Variants in VAT1L observed in about 807,000 individuals in gnomAD.
VAT1L encodes vesicle amine transport 1 like.
VAT1L carries 34 observed loss-of-function variants against 44.1 expected under a neutral mutation model. That is an observed-to-expected ratio of 0.77 (90% confidence interval 0.59 to 1.03). The LOEUF (loss-of-function observed/expected upper bound fraction) is 1.03, where lower values mean the gene tolerates loss of function less well. Among genes scored for constraint, VAT1L ranks in the 50% least tolerant of loss-of-function variants. The pLI is 0.00. For synonymous variants in VAT1L, 253 were observed against 202.2 expected (o/e 1.25, Z -2.13); for missense variants, 615 against 538.8 (o/e 1.14, Z -1.40).
intron 1 of VAT1L, among the ~76,000 whole-genome samples, chr16:77,797,676 C>T (rs1364806968): frequency 6.6e-6 from 1 of 152,186 alleles, no homozygotes; most frequent in African/African-American, 2.4e-5. Context: ...ACATCACTGA[C>T]ACTCAACACT....
chr16:77,900,119 C>T (rs923442795), intron 7 of VAT1L, among the ~76,000 whole-genome samples: 1 of 152,104 alleles, frequency 6.6e-6, no homozygotes, highest in Non-Finnish European at 1.5e-5. Flanking sequence ...ATAGTAAAAC[C>T]ACAGAGATAG....
At chr16:77,886,155 G>C (rs972580686) in intron 7 of VAT1L, among the ~76,000 whole-genome samples, 2 of 152,130 alleles carry the variant, frequency 1.3e-5, no homozygotes, top group Non-Finnish European at 2.9e-5. Flanking sequence ...ATTCAATTTA[G>C]TGCTAAATCG....
chr16:77,877,249 G>A (rs1372889179), intron 5 of VAT1L, among the ~76,000 whole-genome samples: 2 of 152,022 alleles, frequency 1.3e-5, no homozygotes, highest in Admixed American at 6.6e-5. Context: ...AGTGGCTCAC[G>A]CCTGTAATCC....
At chr16:77,875,355 A>G (rs1283773243) in intron 4 of VAT1L, among the ~76,000 whole-genome samples, 6 of 152,224 alleles carry the variant, frequency 3.9e-5, no homozygotes, top group Non-Finnish European at 7.3e-5. Flanking sequence ...CAATGCCTAA[A>G]TTTTGCTAGG....
intron 7 of VAT1L, among the ~76,000 whole-genome samples, chr16:77,963,158 T>C (rs924573679): frequency 6.6e-6 from 1 of 152,142 alleles, no homozygotes; most frequent in African/African-American, 2.4e-5. Flanking sequence ...CCGAGCAGAA[T>C]AATACCACGC....
chr16:77,927,494 C>G (rs1464143657), intron 7 of VAT1L, among the ~76,000 whole-genome samples: 1 of 152,138 alleles, frequency 6.6e-6, no homozygotes, highest in Non-Finnish European at 1.5e-5. Context: ...CACTCTTTAG[C>G]CACTAGCTTT....
intron 3 of VAT1L, among the ~76,000 whole-genome samples, chr16:77,844,634 C>T (rs61709866): frequency 0.057 from 8,709 of 151,804 alleles, 325 homozygotes; most frequent in South Asian, 0.21. Context: ...GTCTCAAACT[C>T]CTGACCTCAG....
chr16:77,806,647 C>G (rs1468525942), intron 1 of VAT1L, among the ~76,000 whole-genome samples: 2 of 151,920 alleles, frequency 1.3e-5, no homozygotes, highest in African/African-American at 4.8e-5. Flanking sequence ...CCAGGCTGAT[C>G]TCTTTATTTT....
intron 7 of VAT1L, among the ~76,000 whole-genome samples, chr16:77,943,769 C>G (rs1270743168): frequency 6.6e-6 from 1 of 152,108 alleles, no homozygotes. Context: ...CACTTAGCCT[C>G]TAAGGAATGA....
At chr16:77,954,876 C>A (rs2018085079) in intron 7 of VAT1L, among the ~76,000 whole-genome samples, 1 of 152,210 alleles carries the variant, frequency 6.6e-6, no homozygotes, top group Non-Finnish European at 1.5e-5. Context: ...GCCAATACAT[C>A]ACTTTTTAAA....
intron 1 of VAT1L, among the ~76,000 whole-genome samples, chr16:77,795,175 C>T (rs751480346): frequency 1.3e-5 from 2 of 151,724 alleles, no homozygotes; most frequent in Non-Finnish European, 2.9e-5. Flanking sequence ...TCTGTATCTT[C>T]ACATACTTCT....
chr16:77,912,692 C>T (rs1292565442), intron 7 of VAT1L, among the ~76,000 whole-genome samples: 3 of 152,200 alleles, frequency 2.0e-5, no homozygotes, highest in Non-Finnish European at 2.9e-5. Context: ...CTTGACCTCA[C>T]CCCACCTGAT....
chr16:77,849,944 C>A (rs547934085), intron 3 of VAT1L, among the ~76,000 whole-genome samples: 2 of 152,134 alleles, frequency 1.3e-5, no homozygotes, highest in Non-Finnish European at 2.9e-5. Flanking sequence ...ATGTTCAGGG[C>A]AGGTACTTTG....
chr16:77,934,107 T>A (rs387138), intron 7 of VAT1L, among the ~76,000 whole-genome samples: 1 of 151,898 alleles, frequency 6.6e-6, no homozygotes, highest in Admixed American at 6.6e-5. Flanking sequence ...CAAGCAAAAA[T>A]TGATGGTAGC....
intron 3 of VAT1L, among the ~76,000 whole-genome samples, chr16:77,844,771 A>G (rs1031639832): frequency 6.6e-6 from 1 of 152,154 alleles, no homozygotes; most frequent in South Asian, 2.1e-4. Flanking sequence ...GGCTCCTGGA[A>G]CCAATCACAC....
intron 2 of VAT1L, among the ~76,000 whole-genome samples, chr16:77,818,031 G>T (rs1431028260): frequency 6.6e-6 from 1 of 152,142 alleles, no homozygotes; most frequent in Non-Finnish European, 1.5e-5. Context: ...TTTTCTGTGA[G>T]GTCAGAAGGG....
chr16:77,909,716 CCCACAA>C (rs898488276), intron 7 of VAT1L, among the ~76,000 whole-genome samples: 1 of 151,888 alleles, frequency 6.6e-6, no homozygotes, highest in Non-Finnish European at 1.5e-5. Flanking sequence ...GTGCAATCTA[CCCACAA>C]CCAATCAAAC....
chr16:77,973,985 G>T (rs1312813057), intron 8 of VAT1L, among the ~76,000 whole-genome samples: 4 of 152,146 alleles, frequency 2.6e-5, no homozygotes, highest in Non-Finnish European at 5.9e-5. Flanking sequence ...CCAAAATGCT[G>T]GGATTACAGG....
At chr16:77,883,397 T>A (rs549102539) in intron 6 of VAT1L, among the ~76,000 whole-genome samples, 1 of 152,318 alleles carries the variant, frequency 6.6e-6, no homozygotes, top group African/African-American at 2.4e-5. Context: ...AGGGAGGAGA[T>A]GACAGACTGG....
Sources: allele counts gnomAD v4.1 joint callset (sites outside exome capture counted in the v4.1 genomes callset), GRCh38; gene constraint gnomAD v4.1.1; transcripts MANE v1.5; gene names NCBI Gene and HGNC (gene_info 2026-07-23, HGNC 2026-07-21).